Variants in GALNT17 observed in about 807,000 individuals in gnomAD.
The protein encoded by GALNT17 is UDP-GalNAc:polypeptide N-acetylgalactosaminyltransferase-like 3.
A neutral mutation model predicts 63.7 loss-of-function variants in GALNT17; 29 were observed. The observed-to-expected ratio is 0.46, with a 90% CI of 0.34 to 0.62. The LOEUF (loss-of-function observed/expected upper bound fraction) is 0.62. GALNT17 is among the 20% of genes least tolerant of loss of function. The probability of loss-of-function intolerance (pLI) is 0.01; values close to 1 mark genes in which losing one functional copy is unlikely to be tolerated. For synonymous variants in GALNT17, 305 were observed against 318.3 expected, an observed-to-expected ratio of 0.96 and a Z score of 0.45; for missense variants, 603 against 799.6, an observed-to-expected ratio of 0.75 and a Z score of 2.97.
At chr7:71,681,495 C>T (rs1231696156) in intron 9 of GALNT17, among the ~76,000 whole-genome samples, 2 of 152,150 alleles carry the variant, frequency 1.3e-5, no homozygotes, top group Non-Finnish European at 2.9e-5. Flanking sequence ...GGGTGGGAGG[C>T]AGGGCCCAGC....
At chr7:71,154,968 A>G (rs1027883938) in intron 1 of GALNT17, among the ~76,000 whole-genome samples, 1 of 151,830 alleles carries the variant, frequency 6.6e-6, no homozygotes, top group Admixed American at 6.6e-5. Context: ...TTTTTTCGGG[A>G]AAGTCTTGGA....
chr7:71,583,727 GCACACACACA>G (rs969364342), intron 6 of GALNT17, among the ~76,000 whole-genome samples: 633 of 28,410 alleles, frequency 0.022, 13 homozygotes, highest in African/African-American at 0.053. Flanking sequence ...GAACACACAT[GCACACACACA>G]CACACACACA....
chr7:71,172,064 A>G (rs1324207218), intron 1 of GALNT17, among the ~76,000 whole-genome samples: 1 of 152,198 alleles, frequency 6.6e-6, no homozygotes, highest in Non-Finnish European at 1.5e-5. Context: ...GAATTAAGGA[A>G]TAGGTGGAAG....
At position 71,357,993 on chromosome 7, in the gene GALNT17, G is replaced by C. The variant is rs186148471; in HGVS notation, c.422+22260G>C. ...ATGGAACATGGGAGGGGACAAATAA[G>C]GGAATAAAAGCTGGCCACCCCAGCC... On this transcript the variant is annotated intron_variant, in intron 2 of 10. Coordinates refer to ENST00000333538, the MANE Select transcript of GALNT17 (RefSeq NM_022479.3). Among the ~76,000 whole-genome samples, 466 of 152,286 alleles carry C rather than the reference G, an allele frequency of 3.1e-3. 4 individuals are homozygous for C. The highest frequency in any genetic ancestry group is 0.01 in the Middle Eastern group (3 of 294).
intron 5 of GALNT17, among the ~76,000 whole-genome samples, chr7:71,422,007 A>G (rs2116457052): frequency 6.6e-6 from 1 of 152,158 alleles, no homozygotes; most frequent in Admixed American, 6.6e-5. Context: ...TCAATGCTAT[A>G]TTAGTTTCCT....
intron 9 of GALNT17, among the ~76,000 whole-genome samples, chr7:71,699,048 T>C (rs532716204): frequency 1.3e-5 from 2 of 151,772 alleles, no homozygotes; most frequent in South Asian, 4.2e-4. Flanking sequence ...AGCGTGTGCC[T>C]GTAATCCCAC....
At chr7:71,511,519 G>T (rs1396876125) in intron 5 of GALNT17, among the ~76,000 whole-genome samples, 1 of 152,124 alleles carries the variant, frequency 6.6e-6, no homozygotes, top group Non-Finnish European at 1.5e-5. Context: ...CATCCCTTTA[G>T]CAATGGATTC....
Position 71,415,835 on chromosome 7 carries a change from T to C in GALNT17, c.590-54T>C, listed in dbSNP as rs542361048. On this transcript the variant is annotated intron_variant, in intron 3 of 10. Transcript: ENST00000333538. ...TCTGTGGGCATTGCAGTGGGTTAGA[T>C]GCAAATTTGAAATGACATGTTTATA... is the stretch of plus-strand genomic sequence containing the variant. The C allele has an allele frequency of 6.7e-6, 10 of 1,501,054 alleles. No homozygotes were observed. The Admixed American group carries it at 2.2e-4, about 33-fold the overall frequency. The allele number at this position is 1,501,054 out of a possible 1,614,324, so 93.0% of individuals were successfully genotyped here.
At chr7:71,193,998 T>C (rs1203375708) in intron 1 of GALNT17, among the ~76,000 whole-genome samples, 1 of 152,226 alleles carries the variant, frequency 6.6e-6, no homozygotes, top group African/African-American at 2.4e-5. Context: ...TATCCAGTTA[T>C]AAAAGTAACC....
At position 71,174,263 on chromosome 7, in the gene GALNT17, A is replaced by G. The variant is rs548105606; in HGVS notation, c.238+41223A>G. The stretch of plus-strand genomic sequence containing the variant: ...AGGGACATCTGAGCTGAGTGTTGAT[A>G]CCTTCATAGGTTAGCGGAGAAAGAA... On this transcript the variant is annotated intron_variant, in intron 1 of 10. Coordinates refer to ENST00000333538, the MANE Select transcript of GALNT17 (RefSeq NM_022479.3). 7.2e-5 allele frequency among the ~76,000 whole-genome samples: 11 copies of G among 152,228 alleles called. No individual in the cohort carries two copies. In the South Asian group the frequency reaches 2.1e-3, roughly 29 times the overall value.
intron 3 of GALNT17, among the ~76,000 whole-genome samples, chr7:71,395,589 T>C (rs1793124084): frequency 6.6e-6 from 1 of 152,240 alleles, no homozygotes; most frequent in African/African-American, 2.4e-5. Flanking sequence ...TTCAGTTTTC[T>C]TGGGTACATA....
chr7:71,551,742 A>G (rs1789079027), intron 5 of GALNT17, among the ~76,000 whole-genome samples: 1 of 144,652 alleles, frequency 6.9e-6, no homozygotes, highest in South Asian at 2.3e-4. Flanking sequence ...TAGGGGACAG[A>G]GTGAGACCCT....
At chr7:71,159,365 T>C (rs1788298115) in intron 1 of GALNT17, among the ~76,000 whole-genome samples, 1 of 151,530 alleles carries the variant, frequency 6.6e-6, no homozygotes, top group African/African-American at 2.4e-5. Flanking sequence ...AGCCGAAGCT[T>C]TCTATATTTT....
intron 5 of GALNT17, among the ~76,000 whole-genome samples, chr7:71,515,044 G>C (rs1450459406): frequency 6.6e-6 from 1 of 152,190 alleles, no homozygotes; most frequent in Non-Finnish European, 1.5e-5. Context: ...TGTAAGATGT[G>C]CCTTTGCTCC....
At position 71,674,438 on chromosome 7, in the gene GALNT17, T is replaced by G. The variant is rs527756493; in HGVS notation, c.1405-2773T>G. The stretch of plus-strand genomic sequence containing the variant: ...ATGACATACTATAGCCAAGAACTCC[T>G]CTGCTCAAGCAATCCTCCCACCTCA... On this transcript the variant is annotated intron_variant, in intron 8 of 10. Transcript: ENST00000333538. Among the ~76,000 whole-genome samples, 146 of 151,674 alleles carry G rather than the reference T, an allele frequency of 9.6e-4. 1 individual carries two copies. Among genetic ancestry groups the G allele is most frequent in the Non-Finnish European group, 1.6e-3 (111 of 67,960 alleles).
At chr7:71,497,849 G>A (rs547552380) in intron 5 of GALNT17, among the ~76,000 whole-genome samples, 2 of 152,284 alleles carry the variant, frequency 1.3e-5, no homozygotes, top group South Asian at 4.1e-4. Flanking sequence ...GGGAACCCAG[G>A]TGCTCTTTTT....
intron 6 of GALNT17, among the ~76,000 whole-genome samples, chr7:71,599,069 A>T (rs963052704): frequency 6.6e-6 from 1 of 152,074 alleles, no homozygotes; most frequent in African/African-American, 2.4e-5. Flanking sequence ...AGCTGAGCAG[A>T]ACAGTGCAGG....
intron 1 of GALNT17, among the ~76,000 whole-genome samples, chr7:71,247,228 G>T (rs1790114888): frequency 6.6e-6 from 1 of 152,134 alleles, no homozygotes; most frequent in Non-Finnish European, 1.5e-5. Context: ...GAAGAAGAGT[G>T]AAAACATAAT....
chr7:71,200,511 C>G (rs1195285628), intron 1 of GALNT17, among the ~76,000 whole-genome samples: 1 of 152,184 alleles, frequency 6.6e-6, no homozygotes, highest in African/African-American at 2.4e-5. Context: ...GTTAAAATCA[C>G]TCTCTGTGTC....
Sources: allele counts gnomAD v4.1 joint callset (sites outside exome capture counted in the v4.1 genomes callset), GRCh38; gene constraint gnomAD v4.1.1; transcripts MANE v1.5; gene names NCBI Gene and HGNC (gene_info 2026-07-23, HGNC 2026-07-21).